The following DCLK2 variants were observed in gnomAD, a reference collection of about 807,000 sequenced individuals.
The protein encoded by DCLK2 is doublecortin like kinase 2, also known as serine/threonine-protein kinase DCLK2.
DCLK2 carries 31 observed loss-of-function variants against 78.4 expected under a neutral mutation model. That is an observed-to-expected ratio of 0.40 (90% CI 0.30 to 0.53). The LOEUF (loss-of-function observed/expected upper bound fraction) is 0.53, where lower values mean the gene tolerates loss of function less well. Among genes scored for constraint, DCLK2 ranks in the 20% least tolerant of loss-of-function variants. DCLK2 has a pLI of 0.61. For synonymous variants in DCLK2, 407 were observed against 374.9 expected (o/e 1.09, Z -0.99); for missense variants, 872 against 973.7 (o/e 0.90, Z 1.39).
At chr4:150,204,884 T>G (rs1364684892) in intron 5 of DCLK2, among the ~76,000 whole-genome samples, 1 of 150,872 alleles carries the variant, frequency 6.6e-6, no homozygotes, top group Non-Finnish European at 1.5e-5. Context: ...AAAGCGAGAC[T>G]GTGCCTCAAA....
chr4:150,091,410 G>T (rs1580480916), intron 1 of DCLK2, among the ~76,000 whole-genome samples: 2 of 152,040 alleles, frequency 1.3e-5, no homozygotes, highest in Admixed American at 1.3e-4. Flanking sequence ...TCCTTTTTCT[G>T]TGTTACCATA....
intron 1 of DCLK2, 116 bp from the exon 2 acceptor site, chr4:150,102,362 T>C (rs1730946821): frequency 1.1e-6 from 1 of 900,018 alleles, no homozygotes; most frequent in African/African-American, 1.7e-5. Flanking sequence ...CATCCCCTTT[T>C]AGTGAACCCA....
chr4:150,186,994 A>G (rs900991037), intron 2 of DCLK2, among the ~76,000 whole-genome samples: 2 of 152,142 alleles, frequency 1.3e-5, no homozygotes, highest in African/African-American at 4.8e-5. Context: ...AAAGAGGTCT[A>G]TTGTTAAATA....
At chr4:150,158,345 C>T (rs1735467723) in intron 2 of DCLK2, among the ~76,000 whole-genome samples, 1 of 152,188 alleles carries the variant, frequency 6.6e-6, no homozygotes, top group Non-Finnish European at 1.5e-5. Context: ...TAAATACAGT[C>T]ACATTCTGCT....
chr4:150,091,056 G>T (rs1279880535), intron 1 of DCLK2, among the ~76,000 whole-genome samples: 3 of 152,134 alleles, frequency 2.0e-5, no homozygotes, highest in African/African-American at 7.2e-5. Flanking sequence ...GTGCGGTTTG[G>T]CCAGGAAACT....
chr4:150,219,747 G>A (rs1201350473), intron 5 of DCLK2, among the ~76,000 whole-genome samples: 1 of 152,216 alleles, frequency 6.6e-6, no homozygotes, highest in Non-Finnish European at 1.5e-5. Flanking sequence ...GGGAGAAAAT[G>A]AAGACTTGGA....
chr4:150,203,875 T>C lies in DCLK2; in HGVS notation c.1042T>C (p.Phe348Leu), dbSNP rs764965094. 89 of 1,612,834 alleles carry C rather than the reference T, an allele frequency of 5.5e-5. No homozygotes were observed. The highest frequency in any genetic ancestry group is 7.2e-5 in the Non-Finnish European group (85 of 1,179,000). ...SSSSPTSPGS[F>L]RGLKQISAHG... is the part of the protein sequence containing the mutation. Reference sequence around the variant, plus strand: ...TTCCTCTCCAACTAGTCCAGGAAGTTTCAGAGGATTAAAGGTATGAAATAG... The same window carrying C: ...TTCCTCTCCAACTAGTCCAGGAAGTCTCAGAGGATTAAAGGTATGAAATAG... Residue 348 changes from phenylalanine (F) to leucine (L), a missense_variant, in exon 5 of 16, where the codon TTC becomes CTC. Around this residue, in one of 3 missense-constraint regions of DCLK2, gnomAD observed 567 missense variants for 593.4 expected, o/e 0.96. Coordinates refer to ENST00000296550, the MANE Select transcript of DCLK2 (RefSeq NM_001040260.4).
intron 2 of DCLK2, among the ~76,000 whole-genome samples, chr4:150,170,207 CTGA>C (rs1736415871): frequency 6.6e-6 from 1 of 152,114 alleles, no homozygotes; most frequent in Non-Finnish European, 1.5e-5. Flanking sequence ...CCATGTCTGG[CTGA>C]TGTTTGTATT....
intron 2 of DCLK2, among the ~76,000 whole-genome samples, chr4:150,164,817 A>G (rs1735950500): frequency 6.6e-6 from 1 of 152,178 alleles, no homozygotes; most frequent in African/African-American, 2.4e-5. Flanking sequence ...AATTAAGTCC[A>G]GTTATATTTT....
chr4:150,234,447 C>T (rs1043050461), intron 10 of DCLK2, among the ~76,000 whole-genome samples: 1 of 152,170 alleles, frequency 6.6e-6, no homozygotes, highest in African/African-American at 2.4e-5. Context: ...TGACCACTGA[C>T]ACTCACTCAG....
intron 1 of DCLK2, among the ~76,000 whole-genome samples, chr4:150,096,412 GA>G (rs1730466901): frequency 6.6e-6 from 1 of 152,196 alleles, no homozygotes; most frequent in African/African-American, 2.4e-5. Flanking sequence ...TTGAACTCGA[GA>G]AAGATCTAGG....
At chr4:150,250,078 T>C (rs1743647679) in intron 15 of DCLK2, among the ~76,000 whole-genome samples, 1 of 152,210 alleles carries the variant, frequency 6.6e-6, no homozygotes, top group Non-Finnish European at 1.5e-5. Context: ...TGAATTATTC[T>C]TTGAGACTTG....
intron 2 of DCLK2, among the ~76,000 whole-genome samples, chr4:150,148,530 G>T (rs1036313823): frequency 6.6e-6 from 1 of 152,122 alleles, no homozygotes; most frequent in Non-Finnish European, 1.5e-5. Flanking sequence ...CTCCTGAGTA[G>T]CTAGGAGTAC....
chr4:150,084,519 T>C (rs1160015231), intron 1 of DCLK2, among the ~76,000 whole-genome samples: 1 of 152,176 alleles, frequency 6.6e-6, no homozygotes, highest in Non-Finnish European at 1.5e-5. Flanking sequence ...TGTGCTATAA[T>C]ACAGCTGCAT....
At chr4:150,187,179 A>AT (rs1738020515) in intron 2 of DCLK2, among the ~76,000 whole-genome samples, 1 of 151,908 alleles carries the variant, frequency 6.6e-6, no homozygotes, top group African/African-American at 2.4e-5. Flanking sequence ...TTTATTTTTG[A>AT]TTTTTGAGAC....
chr4:150,111,399 G>T (rs1403169313), intron 2 of DCLK2, among the ~76,000 whole-genome samples: 1 of 152,108 alleles, frequency 6.6e-6, no homozygotes, highest in Non-Finnish European at 1.5e-5. Flanking sequence ...TGGATGCATA[G>T]TTTGCAAATA....
chr4:150,141,965 AT>A (rs1351940684), intron 2 of DCLK2, among the ~76,000 whole-genome samples: 1 of 152,268 alleles, frequency 6.6e-6, no homozygotes, highest in Admixed American at 6.5e-5. Flanking sequence ...AATGCTTGAC[AT>A]ATTAAATGCT....
intron 1 of DCLK2, among the ~76,000 whole-genome samples, chr4:150,092,347 A>G (rs1730141730): frequency 6.6e-6 from 1 of 152,190 alleles, no homozygotes; most frequent in Non-Finnish European, 1.5e-5. Flanking sequence ...GCTAGATCAT[A>G]TGAAAGTTTT....
intron 2 of DCLK2, among the ~76,000 whole-genome samples, chr4:150,170,078 A>T (rs558386044): frequency 5.9e-5 from 9 of 152,320 alleles, no homozygotes; most frequent in Non-Finnish European, 1.3e-4. Context: ...CTTGAGACAG[A>T]GTCTCACTCT....
Sources: gnomAD v4.1 joint callset for allele counts (sites outside exome capture counted in the v4.1 genomes callset) on GRCh38, gnomAD v4.1.1 for gene constraint, gnomAD v4.1.1 regional missense constraint, MANE v1.5 for transcripts, NCBI Gene and HGNC (gene_info 2026-07-23, HGNC 2026-07-21) for gene names.